TAFA2: variants seen among roughly 807,000 people sequenced by gnomAD.
The protein encoded by TAFA2 is TAFA chemokine like family member 2.
TAFA2 carries 7 observed loss-of-function variants against 18.8 expected under a neutral mutation model. The ratio of observed to expected loss-of-function variants is 0.37; its 90% CI spans 0.21 to 0.70. TAFA2 has a LOEUF of 0.70. Ranked by LOEUF, TAFA2 falls within the 30% of genes least tolerant of loss-of-function variation. The pLI is 0.53. For synonymous variants in TAFA2, 60 were observed against 54.2 expected (o/e 1.11, Z -0.47); for missense variants, 122 against 158.1 (o/e 0.77, Z 1.23).
chr12:62,083,429 G>A (rs546711254), intron 1 of TAFA2, among the ~76,000 whole-genome samples: 6 of 151,970 alleles, frequency 3.9e-5, no homozygotes, highest in Non-Finnish European at 7.4e-5. Flanking sequence ...CAAAATTCAG[G>A]TAAACATTTT....
intron 2 of TAFA2, among the ~76,000 whole-genome samples, chr12:61,797,265 C>T (rs1592395178): frequency 6.6e-6 from 1 of 152,088 alleles, no homozygotes; most frequent in African/African-American, 2.4e-5. Flanking sequence ...CCTCACAGTG[C>T]CAAAAGAAAA....
chr12:62,119,963 C>A (rs1199280959), intron 1 of TAFA2, among the ~76,000 whole-genome samples: 2 of 151,806 alleles, frequency 1.3e-5, no homozygotes, highest in South Asian at 2.1e-4. Flanking sequence ...ATCCCAGCTA[C>A]TCAGGAGATT....
At chr12:62,201,377 CATAAA>C (rs2062670067) in intron 1 of TAFA2, among the ~76,000 whole-genome samples, 1 of 152,138 alleles carries the variant, frequency 6.6e-6, no homozygotes, top group African/African-American at 2.4e-5. Flanking sequence ...GTCAGTTTGT[CATAAA>C]AGGTTCTTTT....
chr12:62,074,665 A>G (rs1882715771), intron 1 of TAFA2, among the ~76,000 whole-genome samples: 1 of 151,402 alleles, frequency 6.6e-6, no homozygotes. Context: ...AAATATTCAC[A>G]TCTAGCACAT....
chr12:62,071,458 A>G (rs1396521517), intron 1 of TAFA2, among the ~76,000 whole-genome samples: 2 of 152,162 alleles, frequency 1.3e-5, no homozygotes, highest in East Asian at 3.8e-4. Context: ...GGAGAGCAAC[A>G]TGGTCTCATT....
intron 4 of TAFA2, among the ~76,000 whole-genome samples, chr12:61,719,092 G>T (rs1296764626): frequency 6.6e-6 from 1 of 152,048 alleles, no homozygotes; most frequent in African/African-American, 2.4e-5. Context: ...GCAGTTGGGG[G>T]GGATCTAATC....
chr12:62,225,515 A>G (rs1183810389), intron 1 of TAFA2, among the ~76,000 whole-genome samples: 1 of 152,226 alleles, frequency 6.6e-6, no homozygotes, highest in Non-Finnish European at 1.5e-5. Context: ...TAATTTTACT[A>G]GAAATTAATT....
rs547283679 is a variant in TAFA2 at position 62,149,440 on chromosome 12, G to C, written c.-2+41819C>G. ...TGCTCTCTCTCCCACATTCTGAACC[G>C]AAAGGATTTTATTTTACATGCTTTA... On this transcript the variant is annotated intron_variant, in intron 1 of 4. Coordinates refer to ENST00000416284, the MANE Select transcript of TAFA2 (RefSeq NM_178539.5). Among the ~76,000 whole-genome samples the C allele has an allele frequency of 3.3e-5, 5 of 151,944 alleles. No homozygotes were observed. The South Asian group carries it at 1.0e-3, about 32-fold the overall frequency.
chr12:61,974,029 G>A (rs1474119717), intron 1 of TAFA2, among the ~76,000 whole-genome samples: 1 of 151,702 alleles, frequency 6.6e-6, no homozygotes, highest in Non-Finnish European at 1.5e-5. Flanking sequence ...ATTATGTTAT[G>A]TAAAGGTAAT....
At chr12:62,077,577 T>C (rs959022628) in intron 1 of TAFA2, among the ~76,000 whole-genome samples, 2 of 152,204 alleles carry the variant, frequency 1.3e-5, no homozygotes, top group Non-Finnish European at 2.9e-5. Context: ...TCTAAGGCTA[T>C]GCAACAGGTA....
intron 1 of TAFA2, among the ~76,000 whole-genome samples, chr12:61,981,463 T>C (rs1879633409): frequency 6.6e-6 from 1 of 152,000 alleles, no homozygotes; most frequent in African/African-American, 2.4e-5. Flanking sequence ...ACAAATGGGA[T>C]CTAATTAAAC....
chr12:61,919,689 T>A (rs1416827324), intron 1 of TAFA2, among the ~76,000 whole-genome samples: 1 of 151,390 alleles, frequency 6.6e-6, no homozygotes, highest in East Asian at 1.9e-4. Context: ...TATACGTTTA[T>A]TTTATACTTA....
chr12:62,083,791 G>A (rs543352262), intron 1 of TAFA2, among the ~76,000 whole-genome samples: 2 of 152,174 alleles, frequency 1.3e-5, no homozygotes, highest in South Asian at 2.1e-4. Context: ...TAGTGTATTG[G>A]AGTCTTAATA....
chr12:62,034,274 T>C (rs896316091), intron 1 of TAFA2, among the ~76,000 whole-genome samples: 5 of 152,040 alleles, frequency 3.3e-5, no homozygotes, highest in African/African-American at 1.2e-4. Flanking sequence ...AAACCCACAC[T>C]GTAAGGGACA....
chr12:61,752,438 A>G (rs1331755313), intron 4 of TAFA2, among the ~76,000 whole-genome samples: 2 of 152,004 alleles, frequency 1.3e-5, no homozygotes, highest in South Asian at 4.1e-4. Flanking sequence ...AATAGCTTAT[A>G]AGGAAAATTT....
At chr12:61,724,315 T>C (rs1233720303) in intron 4 of TAFA2, among the ~76,000 whole-genome samples, 2 of 152,028 alleles carry the variant, frequency 1.3e-5, no homozygotes, top group Non-Finnish European at 2.9e-5. Context: ...TTTTTGGTGT[T>C]CTTTTCTCTT....
chr12:61,864,569 C>T (rs1227092431), intron 2 of TAFA2, among the ~76,000 whole-genome samples: 8 of 151,120 alleles, frequency 5.3e-5, no homozygotes, highest in African/African-American at 1.9e-4. Flanking sequence ...GTCAGGAGAT[C>T]GAGACCATCC....
intron 1 of TAFA2, among the ~76,000 whole-genome samples, chr12:61,912,605 A>G (rs349876): frequency 0.82 from 124,545 of 152,112 alleles, 51,412 homozygotes; most frequent in African/African-American, 0.91. Flanking sequence ...GAAGAAAGCC[A>G]ACCAAATGCC....
chr12:62,064,749 T>C (rs1388839905), intron 1 of TAFA2, among the ~76,000 whole-genome samples: 3 of 152,226 alleles, frequency 2.0e-5, no homozygotes, highest in South Asian at 4.1e-4. Flanking sequence ...AGGTACACTT[T>C]AGTTCACTAT....
Sources: gnomAD v4.1 joint callset for allele counts (sites outside exome capture counted in the v4.1 genomes callset) on GRCh38, gnomAD v4.1.1 for gene constraint, MANE v1.5 for transcripts, NCBI Gene and HGNC (gene_info 2026-07-23, HGNC 2026-07-21) for gene names.